IQCJ: variants seen among roughly 807,000 people sequenced by gnomAD.
IQCJ encodes IQ domain-containing protein J.
A neutral mutation model predicts 11.0 loss-of-function variants in IQCJ; 9 were observed. That is an observed-to-expected ratio of 0.82 (90% confidence interval 0.49 to 1.43). The LOEUF (loss-of-function observed/expected upper bound fraction) is 1.43, where lower values mean the gene tolerates loss of function less well. Ranked by LOEUF, IQCJ falls within the 40% of genes most tolerant of loss-of-function variation. The pLI, the probability that IQCJ is intolerant of heterozygous loss-of-function variation, is 0.00. For missense variants in IQCJ, 146 were observed against 133.2 expected, an observed-to-expected ratio of 1.10 and a Z score of -0.47; for synonymous variants, 55 against 51.3, an observed-to-expected ratio of 1.07 and a Z score of -0.31.
intron 1 of IQCJ, among the ~76,000 whole-genome samples, chr3:159,206,064 G>A (rs150213763): frequency 2.0e-5 from 3 of 152,052 alleles, no homozygotes; most frequent in African/African-American, 7.2e-5. Context: ...GGTAGAGATG[G>A]GAGTGTTAGC....
chr3:159,197,817 G>A (rs1264716595), intron 1 of IQCJ, among the ~76,000 whole-genome samples: 1 of 151,794 alleles, frequency 6.6e-6, no homozygotes, highest in East Asian at 1.9e-4. Context: ...GACCCAATGT[G>A]GTCAGCTTTT....
intron 1 of IQCJ, among the ~76,000 whole-genome samples, chr3:159,114,435 C>A (rs1356647859): frequency 6.6e-6 from 1 of 152,004 alleles, no homozygotes; most frequent in Non-Finnish European, 1.5e-5. Context: ...CTCAGCCCCC[C>A]TCATAGCTGG....
At chr3:159,140,962 C>T (rs28690320) in intron 1 of IQCJ, among the ~76,000 whole-genome samples, 1,599 of 152,294 alleles carry the variant, frequency 0.01, 11 homozygotes, top group South Asian at 0.023. Context: ...GTCCATAATA[C>T]ACTACTTCAC....
At chr3:159,141,737 T>A (rs964491617) in intron 1 of IQCJ, among the ~76,000 whole-genome samples, 2 of 152,218 alleles carry the variant, frequency 1.3e-5, no homozygotes, top group Non-Finnish European at 2.9e-5. Flanking sequence ...CAAAGCCATA[T>A]TTTTCTTCCA....
chr3:159,147,193 G>C (rs958060715), intron 1 of IQCJ, among the ~76,000 whole-genome samples: 2 of 152,144 alleles, frequency 1.3e-5, no homozygotes, highest in African/African-American at 4.8e-5. Flanking sequence ...TTAATTTAAG[G>C]ATGGGAGAAT....
intron 1 of IQCJ, among the ~76,000 whole-genome samples, chr3:159,146,172 A>T (rs1720916659): frequency 6.6e-6 from 1 of 152,288 alleles, no homozygotes; most frequent in Non-Finnish European, 1.5e-5. Flanking sequence ...ATTCACTCAC[A>T]TCATTGGCCT....
rs1717081613 is a variant in IQCJ, at chr3:159,089,575, G to A, written c.9+20134G>A. Among the ~76,000 whole-genome samples the A allele has an allele frequency of 2.6e-5, 4 of 151,760 alleles. No homozygotes were observed. In the South Asian group the frequency reaches 8.3e-4, roughly 31 times the overall value. On this transcript the variant is annotated intron_variant, in intron 1 of 3. Transcript: ENST00000397832. ...GGTACACCAATCAGATGAAGATTTG[G>A]TCTTTTCACATAGTCCCATATTTCT...
chr3:159,093,036 G>A (rs150801115), intron 1 of IQCJ, among the ~76,000 whole-genome samples: 3 of 151,450 alleles, frequency 2.0e-5, no homozygotes, highest in Non-Finnish European at 2.9e-5. Context: ...TAAATCCCTC[G>A]GTGGTAGTTC....
intron 1 of IQCJ, among the ~76,000 whole-genome samples, chr3:159,102,116 C>G (rs891017475): frequency 6.6e-6 from 1 of 152,130 alleles, no homozygotes; most frequent in African/African-American, 2.4e-5. Context: ...AAAATGATTC[C>G]TTTTACAAAC....
chr3:159,168,538 T>C (rs542046219), intron 1 of IQCJ, among the ~76,000 whole-genome samples: 79 of 152,268 alleles, frequency 5.2e-4, no homozygotes, highest in African/African-American at 1.8e-3. Context: ...CCAATGGTCA[T>C]ACCTGATTAG....
At chr3:159,241,364 G>A (rs761075990) in intron 1 of IQCJ, among the ~76,000 whole-genome samples, 2 of 151,822 alleles carry the variant, frequency 1.3e-5, no homozygotes, top group African/African-American at 2.4e-5. Context: ...AGCCGAGATC[G>A]CACCACTGTA....
chr3:159,126,552 C>A (rs1011294287), intron 1 of IQCJ, among the ~76,000 whole-genome samples: 2 of 152,170 alleles, frequency 1.3e-5, no homozygotes, highest in African/African-American at 4.8e-5. Context: ...CTTTGTATTT[C>A]CAGTGCTTGA....
intron 1 of IQCJ, among the ~76,000 whole-genome samples, chr3:159,077,037 A>G (rs1032426042): frequency 1.2e-4 from 18 of 152,150 alleles, no homozygotes; most frequent in African/African-American, 4.3e-4. Flanking sequence ...ATTTCACTTC[A>G]ACGTGATTTC....
chr3:159,157,938 A>G (rs1423370452), intron 1 of IQCJ, among the ~76,000 whole-genome samples: 4 of 152,132 alleles, frequency 2.6e-5, no homozygotes, highest in Non-Finnish European at 5.9e-5. Context: ...AGTTTATTTA[A>G]CCAATTCCCT....
intron 1 of IQCJ, among the ~76,000 whole-genome samples, chr3:159,168,331 A>G (rs888130803): frequency 6.6e-6 from 1 of 152,218 alleles, no homozygotes; most frequent in Non-Finnish European, 1.5e-5. Context: ...GGAACGCTTA[A>G]CAGGCAGAGA....
chr3:159,089,346 C>T (rs1263167092), intron 1 of IQCJ, among the ~76,000 whole-genome samples: 2 of 152,200 alleles, frequency 1.3e-5, no homozygotes, highest in Admixed American at 6.5e-5. Context: ...TCTGGCTGCC[C>T]TTAACATTTT....
At chr3:159,218,377 GAAAA>G (rs1046443611) in intron 1 of IQCJ, among the ~76,000 whole-genome samples, 14 of 150,066 alleles carry the variant, frequency 9.3e-5, no homozygotes, top group African/African-American at 3.3e-4. Context: ...GTGTATAAGA[GAAAA>G]AGAAACATAT....
intron 1 of IQCJ, among the ~76,000 whole-genome samples, chr3:159,240,213 A>AATCT (rs923163295): frequency 6.6e-6 from 1 of 152,164 alleles, no homozygotes; most frequent in Non-Finnish European, 1.5e-5. Flanking sequence ...TGCAAAGGAT[A>AATCT]ATCTATCTAT....
At chr3:159,218,725 T>A (rs755488229) in intron 1 of IQCJ, among the ~76,000 whole-genome samples, 5 of 151,994 alleles carry the variant, frequency 3.3e-5, no homozygotes, top group African/African-American at 4.8e-5. Context: ...CTGTTTGGAG[T>A]GAATCTTTGT....
Sources: allele counts gnomAD v4.1 joint callset (sites outside exome capture counted in the v4.1 genomes callset), GRCh38; gene constraint gnomAD v4.1.1; transcripts MANE v1.5; gene names NCBI Gene and HGNC (gene_info 2026-07-23, HGNC 2026-07-21).